Variants in UNC13C observed in about 807,000 individuals in gnomAD.
UNC13C encodes unc-13 homolog C.
In UNC13C, 174 loss-of-function variants were observed where a neutral mutation model predicts 245.4. That is an observed-to-expected ratio of 0.71 (90% CI 0.63 to 0.80). The LOEUF (loss-of-function observed/expected upper bound fraction) is 0.80. Ranked by LOEUF, UNC13C falls within the 30% of genes least tolerant of loss-of-function variation. The pLI, the probability that UNC13C is intolerant of heterozygous loss-of-function variation, is 0.00. For missense variants in UNC13C, 2,829 were observed against 2,602.9 expected (o/e 1.09, Z -1.89); for synonymous variants, 992 against 895.1 (o/e 1.11, Z -1.93).
the UNC13C span, among the ~76,000 whole-genome samples, chr15:53,957,486 T>G: frequency 6.6e-6 from 1 of 152,204 alleles, no homozygotes; most frequent in Admixed American, 6.5e-5. Context: ...CCATTTCTTT[T>G]GGTAAATATT....
chr15:54,401,237 TAATA>T (rs1282599340), intron 18 of UNC13C, among the ~76,000 whole-genome samples: 1 of 152,188 alleles, frequency 6.6e-6, no homozygotes, highest in Non-Finnish European at 1.5e-5. Context: ...CATTTCAATT[TAATA>T]AATATGTATT....
intron 2 of UNC13C, chr15:54,049,292 G>A: frequency 3.8e-6 from 2 of 523,124 alleles, no homozygotes; most frequent in Non-Finnish European, 7.5e-6. Context: ...GGAAATTTTG[G>A]AGATGAAATA....
In UNC13C at chr15:54,584,254, T is replaced by G. The variant is rs535091032; in HGVS notation, c.6106+16307T>G. The stretch of plus-strand genomic sequence containing the variant: ...GTTGTTTACTGACAATATATATTTA[T>G]ACTGTAAAATGTGTTTATGATTTAG... On this transcript the variant is annotated intron_variant, in intron 30 of 32. Coordinates refer to ENST00000260323, the MANE Select transcript of UNC13C (RefSeq NM_001080534.3). Among the ~76,000 whole-genome samples, 10 of 152,368 alleles carry G rather than the reference T, an allele frequency of 6.6e-5. No homozygotes were observed. The South Asian group carries it at 2.1e-3, about 32-fold the overall frequency.
chr15:53,916,152 T>A, the UNC13C span, among the ~76,000 whole-genome samples: 4 of 152,164 alleles, frequency 2.6e-5, no homozygotes, highest in African/African-American at 9.7e-5. Flanking sequence ...AGAATGGTAA[T>A]AGAAGAGCTT....
intron 22 of UNC13C, among the ~76,000 whole-genome samples, chr15:54,506,548 T>C (rs1164787773): frequency 1.3e-5 from 2 of 152,088 alleles, no homozygotes; most frequent in Admixed American, 1.3e-4. Context: ...ATTTTCTGTC[T>C]GTGTGTTATC....
intron 17 of UNC13C, among the ~76,000 whole-genome samples, chr15:54,390,434 A>G (rs2039930307): frequency 6.6e-6 from 1 of 152,108 alleles, no homozygotes; most frequent in Admixed American, 6.6e-5. Flanking sequence ...TCCACTTTCA[A>G]AAAATTACCT....
intron 19 of UNC13C, among the ~76,000 whole-genome samples, chr15:54,491,537 A>G (rs1409007875): frequency 6.6e-6 from 1 of 152,132 alleles, no homozygotes; most frequent in Admixed American, 6.6e-5. Flanking sequence ...AAATCAGTAT[A>G]TTTTTTCAGA....
chr15:54,209,377 T>C (rs2140744065), intron 4 of UNC13C, among the ~76,000 whole-genome samples: 1 of 152,132 alleles, frequency 6.6e-6, no homozygotes, highest in South Asian at 2.1e-4. Context: ...AAGTGTATCC[T>C]GAACTGACCC....
At chr15:54,529,201 G>A (rs761357681) in intron 25 of UNC13C, among the ~76,000 whole-genome samples, 1 of 152,154 alleles carries the variant, frequency 6.6e-6, no homozygotes, top group Non-Finnish European at 1.5e-5. Context: ...GCCAAAAATG[G>A]AGACAGATCA....
intron 30 of UNC13C, among the ~76,000 whole-genome samples, chr15:54,616,007 C>A (rs1327797727): frequency 1.3e-5 from 2 of 152,052 alleles, no homozygotes; most frequent in Non-Finnish European, 2.9e-5. Context: ...TAAAATTCTT[C>A]CATCTAAATA....
At chr15:54,538,793 A>G (rs1371838493) in intron 26 of UNC13C, among the ~76,000 whole-genome samples, 2 of 152,014 alleles carry the variant, frequency 1.3e-5, no homozygotes, top group Admixed American at 1.3e-4. Flanking sequence ...AGAGCTAAAC[A>G]CTGAGTACAA....
intron 1 of UNC13C, among the ~76,000 whole-genome samples, chr15:53,983,958 T>C (rs1894025575): frequency 6.6e-6 from 1 of 152,158 alleles, no homozygotes; most frequent in Non-Finnish European, 1.5e-5. Context: ...CCATGTCTTC[T>C]GTTATCTTCC....
At chr15:54,625,598 A>C (rs1901083722) in intron 32 of UNC13C, among the ~76,000 whole-genome samples, 1 of 152,166 alleles carries the variant, frequency 6.6e-6, no homozygotes, top group Non-Finnish European at 1.5e-5. Flanking sequence ...GAGGCCTAGG[A>C]CAAAGCCCTA....
chr15:54,523,554 C>T (rs1167092398), intron 24 of UNC13C, among the ~76,000 whole-genome samples: 1 of 152,148 alleles, frequency 6.6e-6, no homozygotes. Context: ...AATATCTATT[C>T]ACCAAATACC....
chr15:54,064,081 CT>C lies in UNC13C; in HGVS notation c.2983+48205del, dbSNP rs369188815. On this transcript the variant is annotated intron_variant, in intron 2 of 32. Coordinates refer to ENST00000260323, the MANE Select transcript of UNC13C (RefSeq NM_001080534.3). The stretch of plus-strand genomic sequence containing the variant: ...TCCTCCTACCTCAATTTTTCTTCTT[CT>C]TTTTTTTTTCAGATTTGTCAGGTCT... 3.8e-3 allele frequency among the ~76,000 whole-genome samples: 570 copies of C among 149,420 alleles called. 7 individuals are homozygous for C. The highest frequency in any genetic ancestry group is 0.011 in the African/African-American group (467 of 40,736).
intron 2 of UNC13C, among the ~76,000 whole-genome samples, chr15:54,110,133 A>G (rs559510388): frequency 6.2e-4 from 94 of 152,062 alleles, no homozygotes; most frequent in Non-Finnish European, 1.0e-3. Context: ...TAAAAAAATT[A>G]GCCAGGCCTG....
At chr15:54,063,398 C>A (rs1310086580) in intron 2 of UNC13C, among the ~76,000 whole-genome samples, 1 of 151,870 alleles carries the variant, frequency 6.6e-6, no homozygotes, top group African/African-American at 2.4e-5. Context: ...GACAGGGCAC[C>A]AAGTGGGAGG....
At chr15:54,562,237 G>C (rs1024092694) in intron 29 of UNC13C, among the ~76,000 whole-genome samples, 1 of 152,012 alleles carries the variant, frequency 6.6e-6, no homozygotes, top group African/African-American at 2.4e-5. Flanking sequence ...CTTCCAGTTA[G>C]AGTAATCACC....
chr15:54,070,735 C>T (rs984812708), intron 2 of UNC13C, among the ~76,000 whole-genome samples: 4 of 152,082 alleles, frequency 2.6e-5, no homozygotes, highest in Admixed American at 6.6e-5. Flanking sequence ...TACAGTTTCT[C>T]GGCTTCCTTC....
Sources: gnomAD v4.1 joint callset for allele counts (sites outside exome capture counted in the v4.1 genomes callset) on GRCh38, gnomAD v4.1.1 for gene constraint, MANE v1.5 for transcripts, NCBI Gene and HGNC (gene_info 2026-07-23, HGNC 2026-07-21) for gene names.